The following FTCDNL1 variants were observed in gnomAD, a reference collection of about 807,000 sequenced individuals.
The protein encoded by FTCDNL1 is formiminotransferase cyclodeaminase N-terminal like.
A neutral mutation model predicts 5.9 loss-of-function variants in FTCDNL1; 11 were observed. The observed-to-expected ratio is 1.87, with a 90% CI of 1.18 to 3.10. FTCDNL1 has a LOEUF of 3.10. Ranked by LOEUF, FTCDNL1 falls within the 30% of genes most tolerant of loss-of-function variation. The pLI is 0.00. For missense variants in FTCDNL1, 115 were observed against 65.5 expected, an observed-to-expected ratio of 1.76 and a Z score of -2.61; for synonymous variants, 58 against 24.8, an observed-to-expected ratio of 2.34 and a Z score of -3.99.
the FTCDNL1 span, among the ~76,000 whole-genome samples, chr2:199,744,862 G>A: frequency 6.6e-6 from 1 of 152,300 alleles, no homozygotes; most frequent in South Asian, 2.1e-4. Context: ...AGCTAAGCCT[G>A]CTCTCCCAGC....
the FTCDNL1 span, among the ~76,000 whole-genome samples, chr2:199,708,786 C>A: frequency 6.6e-6 from 1 of 152,246 alleles, no homozygotes; most frequent in Admixed American, 6.5e-5. Flanking sequence ...CCTGTTTGGT[C>A]TTTGACCAAA....
At chr2:199,688,000 A>G in the FTCDNL1 span, among the ~76,000 whole-genome samples, 1 of 152,064 alleles carries the variant, frequency 6.6e-6, no homozygotes, top group Non-Finnish European at 1.5e-5. Flanking sequence ...TAATCCCAGC[A>G]CTTTGGGAGG....
the FTCDNL1 span, among the ~76,000 whole-genome samples, chr2:199,704,378 C>T: frequency 1.3e-5 from 2 of 152,180 alleles, no homozygotes; most frequent in South Asian, 2.1e-4. Context: ...GTCCTGCTGC[C>T]CCAAGCCTTG....
the FTCDNL1 span, among the ~76,000 whole-genome samples, chr2:199,725,996 A>C: frequency 5.8e-4 from 88 of 152,006 alleles, 1 homozygote; most frequent in Middle Eastern, 3.4e-3. Context: ...ACTTGGTTCC[A>C]TTCTCCCAAT....
chr2:199,664,771 GT>G, the FTCDNL1 span, among the ~76,000 whole-genome samples: 1 of 152,028 alleles, frequency 6.6e-6, no homozygotes, highest in African/African-American at 2.4e-5. Flanking sequence ...TACTTCTTTG[GT>G]TTTTTTAAAT....
the FTCDNL1 span, among the ~76,000 whole-genome samples, chr2:199,698,090 C>T: frequency 6.6e-6 from 1 of 152,074 alleles, no homozygotes; most frequent in Non-Finnish European, 1.5e-5. Context: ...CTCAACTGTC[C>T]TAAATATATA....
chr2:199,724,945 T>A, the FTCDNL1 span, among the ~76,000 whole-genome samples: 4 of 149,198 alleles, frequency 2.7e-5, no homozygotes, highest in African/African-American at 4.9e-5. Context: ...CTTTAAAAAA[T>A]TTTTTTTCTT....
intron 3 of FTCDNL1, among the ~76,000 whole-genome samples, chr2:199,836,314 A>G (rs1235308856): frequency 1.3e-5 from 2 of 151,948 alleles, no homozygotes; most frequent in South Asian, 4.2e-4. Flanking sequence ...ACAGGCACGC[A>G]CTACCACACC....
chr2:199,694,849 A>T, the FTCDNL1 span, among the ~76,000 whole-genome samples: 1 of 152,124 alleles, frequency 6.6e-6, no homozygotes, highest in Non-Finnish European at 1.5e-5. Context: ...AAATTAATTA[A>T]TTAAAAAATA....
chr2:199,707,845 A>G, the FTCDNL1 span, among the ~76,000 whole-genome samples: 5 of 151,442 alleles, frequency 3.3e-5, no homozygotes, highest in African/African-American at 1.2e-4. Flanking sequence ...ACAATGCACT[A>G]TTTTTTTCTC....
chr2:199,773,768 C>A (rs1437736666), intron 3 of FTCDNL1, among the ~76,000 whole-genome samples: 1 of 152,214 alleles, frequency 6.6e-6, no homozygotes, highest in East Asian at 1.9e-4. Flanking sequence ...CACATCCCCC[C>A]AACTACTATT....
Position 199,812,690 on chromosome 2 carries a change from C to T in FTCDNL1, c.*15G>A, listed in dbSNP as rs1373031444. On this transcript the variant is annotated 3_prime_UTR_variant, in exon 5 of 5. Transcript: ENST00000420128. ...ACTGCAAGGCTGAAATTCCAATTTT[C>T]TTCCAACACAACTGTCACAACGCCC... is the stretch of plus-strand genomic sequence containing the variant. 5 of 698,230 alleles carry T rather than the reference C, an allele frequency of 7.2e-6. No individual in the cohort carries two copies. In the East Asian group the frequency reaches 1.3e-4, roughly 19 times the overall value. 43.3% of individuals were successfully genotyped at this position (698,230 alleles called of 1,614,324 possible).
the FTCDNL1 span, among the ~76,000 whole-genome samples, chr2:199,716,400 G>C: frequency 6.6e-6 from 1 of 152,156 alleles, no homozygotes; most frequent in Non-Finnish European, 1.5e-5. Flanking sequence ...TATTTAAAAA[G>C]ATGGTTGGAC....
intron 2 of FTCDNL1, among the ~76,000 whole-genome samples, chr2:199,847,042 A>G (rs1280231665): frequency 6.6e-6 from 1 of 152,174 alleles, no homozygotes; most frequent in African/African-American, 2.4e-5. Flanking sequence ...AGCTTAGAAC[A>G]GCCCTACACT....
intron 4 of FTCDNL1, among the ~76,000 whole-genome samples, chr2:199,814,998 A>C (rs1174688666): frequency 6.6e-6 from 1 of 152,240 alleles, no homozygotes; most frequent in African/African-American, 2.4e-5. Context: ...CTAGGGCATC[A>C]TATGAAACTA....
chr2:199,735,629 A>C, the FTCDNL1 span, among the ~76,000 whole-genome samples: 3 of 152,186 alleles, frequency 2.0e-5, no homozygotes, highest in Non-Finnish European at 4.4e-5. Flanking sequence ...GAAATGGGCA[A>C]AGAAATCAGA....
the FTCDNL1 span, among the ~76,000 whole-genome samples, chr2:199,742,869 G>T: frequency 2.6e-5 from 4 of 152,192 alleles, no homozygotes; most frequent in African/African-American, 9.7e-5. Flanking sequence ...ATTATGCTTG[G>T]ATATTTATGG....
At chr2:199,722,242 G>A in the FTCDNL1 span, among the ~76,000 whole-genome samples, 2 of 152,102 alleles carry the variant, frequency 1.3e-5, no homozygotes, top group African/African-American at 4.8e-5. Flanking sequence ...TTTTCCTCTA[G>A]GGTTTTTATA....
chr2:199,842,115 A>C (rs769965), intron 3 of FTCDNL1, among the ~76,000 whole-genome samples: 10,092 of 151,644 alleles, frequency 0.067, 491 homozygotes, highest in African/African-American at 0.12. Context: ...AAAAAAAAAA[A>C]CAATTAGCTG....
Sources: gnomAD v4.1 joint callset for allele counts (sites outside exome capture counted in the v4.1 genomes callset) on GRCh38, gnomAD v4.1.1 for gene constraint, MANE v1.5 for transcripts, NCBI Gene and HGNC (gene_info 2026-07-23, HGNC 2026-07-21) for gene names.